GRIK5: variants seen among roughly 807,000 people sequenced by gnomAD.
The protein encoded by GRIK5 is glutamate receptor ionotropic, kainate 5.
Under a neutral mutation model 97.4 loss-of-function variants are expected in GRIK5, and 43 were observed. That is an observed-to-expected ratio of 0.44 (90% CI 0.35 to 0.57). The LOEUF is 0.57. GRIK5 is among the 20% of genes least tolerant of loss of function. The pLI, the probability that GRIK5 is intolerant of heterozygous loss-of-function variation, is 0.01. For synonymous variants in GRIK5, 580 were observed against 583.5 expected, an observed-to-expected ratio of 0.99 and a Z score of 0.09; for missense variants, 1,015 against 1,382.0, an observed-to-expected ratio of 0.73 and a Z score of 4.21.
intron 6 of GRIK5, among the ~76,000 whole-genome samples, chr19:42,057,807 T>C (rs1487963732): frequency 2.0e-5 from 3 of 152,214 alleles, no homozygotes; most frequent in Admixed American, 1.3e-4. Flanking sequence ...TAGCAGCCAG[T>C]TTGAACGTCA....
At chr19:42,052,279 C>T (rs1358480374) in intron 11 of GRIK5, among the ~76,000 whole-genome samples, 1 of 151,182 alleles carries the variant, frequency 6.6e-6, no homozygotes, top group Non-Finnish European at 1.5e-5. Context: ...GACCTTTGCA[C>T]CCTGTTCCCC....
At chr19:42,048,169 A>G (rs1272199369) in intron 11 of GRIK5, among the ~76,000 whole-genome samples, 3 of 152,166 alleles carry the variant, frequency 2.0e-5, no homozygotes, top group African/African-American at 7.2e-5. Flanking sequence ...CATTAACCAT[A>G]AAGGAAAAAA....
intron 15 of GRIK5, among the ~76,000 whole-genome samples, chr19:42,015,074 A>C (rs1322935015): frequency 3.9e-5 from 6 of 152,256 alleles, no homozygotes; most frequent in Non-Finnish European, 8.8e-5. Context: ...GAGACATTAT[A>C]TAATGACATG....
intron 11 of GRIK5, among the ~76,000 whole-genome samples, chr19:42,044,940 A>C: frequency 6.6e-6 from 1 of 152,240 alleles, no homozygotes; most frequent in Admixed American, 6.5e-5. Flanking sequence ...TCTCTCAAAA[A>C]TAAAATAAAT....
intron 12 of GRIK5, among the ~76,000 whole-genome samples, chr19:42,040,909 A>G (rs1809306143): frequency 6.6e-6 from 1 of 151,710 alleles, no homozygotes; most frequent in African/African-American, 2.4e-5. Flanking sequence ...TAATAATAAT[A>G]AAATTCACCC....
intron 12 of GRIK5, among the ~76,000 whole-genome samples, chr19:42,024,495 G>T (rs1307315676): frequency 1.3e-5 from 2 of 152,160 alleles, no homozygotes; most frequent in African/African-American, 4.8e-5. Context: ...TTACAGGCGT[G>T]AGCCACCGCG....
chr19:42,025,825 G>C (rs1423515914), intron 12 of GRIK5, among the ~76,000 whole-genome samples: 1 of 152,158 alleles, frequency 6.6e-6, no homozygotes, highest in African/African-American at 2.4e-5. Context: ...CTTAGATTCT[G>C]CAACGGGCTG....
chr19:42,026,545 C>T lies in GRIK5; in HGVS notation c.1474-4191G>A, dbSNP rs557756314. ...CTGGGATTACAGGCATGAGCCACCG[C>T]ACCCGGCCCTATTTATTATTATTAT... On this transcript the variant is annotated intron_variant, in intron 12 of 19. Coordinates refer to ENST00000593562, the MANE Select transcript of GRIK5 (RefSeq NM_002088.5). Among the ~76,000 whole-genome samples, 645 of 151,552 alleles carry T rather than the reference C, an allele frequency of 4.3e-3. 6 individuals carry two copies. The highest frequency in any genetic ancestry group is 0.015 in the African/African-American group (618 of 41,312).
intron 12 of GRIK5, among the ~76,000 whole-genome samples, chr19:42,029,958 T>C (rs1159057730): frequency 1.3e-5 from 2 of 152,190 alleles, no homozygotes; most frequent in Non-Finnish European, 2.9e-5. Flanking sequence ...TCTAAGCTTC[T>C]AAGTTTTCAT....
At chr19:42,020,644 G>C (rs2075684983) in intron 15 of GRIK5, among the ~76,000 whole-genome samples, 1 of 152,186 alleles carries the variant, frequency 6.6e-6, no homozygotes, top group South Asian at 2.1e-4. Context: ...AAAGAAGCCA[G>C]CTAAAACCCA....
In GRIK5 at chr19:41,998,907, G is replaced by T; in HGVS notation, c.2907C>A (p.Gly969=). Residue 969 remains glycine, a synonymous_variant, in exon 20 of 20, where the codon GGC becomes GGA. Transcript: ENST00000593562. ...EATSPPRPRP[G]PAGPRELAEH... ...CCGCCAGCTCCCGGGGGCCGGCGGG[G>T]CCAGGCCGCGGCCGGGGCGGGCTGG... 1 of 1,121,544 alleles carries T rather than the reference G, an allele frequency of 8.9e-7. No individual in the cohort carries two copies. The highest frequency in any genetic ancestry group is 4.3e-5 in the South Asian group (1 of 23,358). 69.5% of individuals were successfully genotyped at this position (1,121,544 alleles called of 1,614,324 possible). A position where few individuals can be genotyped will look rare whatever the true frequency, so the allele number is the denominator to read the frequency against.
At chr19:42,040,696 A>G (rs1014025290) in intron 12 of GRIK5, among the ~76,000 whole-genome samples, 8 of 152,114 alleles carry the variant, frequency 5.3e-5, no homozygotes, top group African/African-American at 1.7e-4. Flanking sequence ...TTGCTCCAAA[A>G]AATACAAAAA....
rs2075705713 is a variant in GRIK5 at position 42,022,060 on chromosome 19, T to C, written c.1588-4A>G. 13 of 1,603,952 alleles carry C rather than the reference T, an allele frequency of 8.1e-6. 1 individual carries two copies. In the Middle Eastern group the frequency reaches 5.0e-4, roughly 62 times the overall value. On this transcript the variant is annotated splice_region_variant and splice_polypyrimidine_tract_variant and intron_variant, in intron 13 of 19. Coordinates refer to ENST00000593562, the MANE Select transcript of GRIK5 (RefSeq NM_002088.5). The surrounding 1 kb of genome is among the most constrained non-coding windows in gnomAD (Gnocchi z 4.2). ...AGAAGTAGCCAGGCTTGCGGCCCTG[T>C]GGGGAGAGGGAGTGAGACCCGGAGA...
At chr19:42,045,145 C>T (rs1568915830) in intron 11 of GRIK5, among the ~76,000 whole-genome samples, 1 of 152,228 alleles carries the variant, frequency 6.6e-6, no homozygotes, top group Non-Finnish European at 1.5e-5. Flanking sequence ...AATTACTGAG[C>T]TCCATGGTAG....
At chr19:42,016,575 A>T (rs892886049) in intron 15 of GRIK5, among the ~76,000 whole-genome samples, 2 of 152,238 alleles carry the variant, frequency 1.3e-5, no homozygotes, top group Non-Finnish European at 2.9e-5. Flanking sequence ...ACAGACTGGG[A>T]GTCAGATTTG....
chr19:42,064,522 T>C (rs1217601448), intron 3 of GRIK5, among the ~76,000 whole-genome samples: 1 of 151,950 alleles, frequency 6.6e-6, no homozygotes, highest in East Asian at 1.9e-4. Flanking sequence ...ATCTGCCTCC[T>C]CACCCTCCAT....
At chr19:42,027,585 A>T (rs1462820879) in intron 12 of GRIK5, among the ~76,000 whole-genome samples, 1 of 152,186 alleles carries the variant, frequency 6.6e-6, no homozygotes, top group Non-Finnish European at 1.5e-5. Flanking sequence ...GGGTGACATT[A>T]TCAGACCACA....
At chr19:42,053,014 T>C (rs919021881) in intron 11 of GRIK5, among the ~76,000 whole-genome samples, 2 of 152,150 alleles carry the variant, frequency 1.3e-5, no homozygotes, top group African/African-American at 4.8e-5. Context: ...AGGCAATCAA[T>C]AAATACTTGA....
At chr19:42,057,537 A>G (rs1402178795) in intron 6 of GRIK5, among the ~76,000 whole-genome samples, 1 of 151,988 alleles carries the variant, frequency 6.6e-6, no homozygotes, top group African/African-American at 2.4e-5. Flanking sequence ...TGCCCAGCTA[A>G]TTTTTTAAAA....
Sources: allele counts gnomAD v4.1 joint callset (sites outside exome capture counted in the v4.1 genomes callset), GRCh38; gene constraint gnomAD v4.1.1; non-coding constraint Gnocchi (gnomAD v3.1); transcripts MANE v1.5; gene names NCBI Gene and HGNC (gene_info 2026-07-23, HGNC 2026-07-21).